PKD1: variants seen among roughly 807,000 people sequenced by gnomAD.
PKD1 encodes the protein polycystin-1.
In PKD1, 81 loss-of-function variants were observed where a neutral mutation model predicts 361.7. The ratio of observed to expected loss-of-function variants is 0.22; its 90% CI spans 0.19 to 0.27. The LOEUF (loss-of-function observed/expected upper bound fraction) is 0.27. PKD1 is among the 10% of genes least tolerant of loss of function. The pLI is 1.00. For missense variants in PKD1, 6,399 were observed against 6,118.3 expected (o/e 1.05, Z -1.53); for synonymous variants, 3,615 against 2,818.3 (o/e 1.28, Z -8.95).
Position 2,129,144 on chromosome 16 carries a change from A to G in PKD1, c.215+6331T>C, listed in dbSNP as rs2092835755. On this transcript the variant is annotated intron_variant, in intron 1 of 45. Transcript: ENST00000262304. ...CCAAAGTGCTGAGATTACAGGCGTG[A>G]ACCACCGCGCCCACCCTGTTTTTTT... Among the ~76,000 whole-genome samples the G allele has an allele frequency of 2.0e-5, 3 of 150,276 alleles. No individual in the cohort carries two copies. In the South Asian group the frequency reaches 6.3e-4, roughly 32 times the overall value.
rs1329035165 is a variant in PKD1 at position 2,114,664 on chromosome 16, T to G, written c.2359A>C (p.Asn787His). Residue 787 changes from asparagine to histidine, a missense_variant, in exon 11 of 46, where the codon AAC becomes CAC. Physicochemically the swap from Asn to His is moderately conservative, Grantham distance 68 (BLOSUM62 1). Coordinates refer to ENST00000262304, the MANE Select transcript of PKD1 (RefSeq NM_001009944.3). ...CGCCCAGGCAGCCGCAGTCCAGGGTTGGGCCTCAAGCCCAGCAGCACGGTG... is the reference window on the plus strand; with the variant it reads ...CGCCCAGGCAGCCGCAGTCCAGGGTGGGGCCTCAAGCCCAGCAGCACGGTG... Reference protein sequence around the residue: ...QLTVLLGLRPNPGLRLPGRYE... With the variant: ...QLTVLLGLRPHPGLRLPGRYE... The G allele has an allele frequency of 1.3e-6, 2 of 1,549,940 alleles. No homozygotes were observed. Among genetic ancestry groups the G allele is most frequent in the Non-Finnish European group, 1.7e-6 (2 of 1,156,444 alleles).
rs373222937 is a variant in PKD1 at position 2,097,917 on chromosome 16, G to A, written c.10118C>T (p.Ser3373Leu). ...GAGGAAGGAGCTGTCCAGCACGGAC[G>A]AGTCCAGGCAGCTGTCGATGTCCAG... Reference protein sequence around the residue: ...QVLDIDSCLDSSVLDSSFLTF... With the variant: ...QVLDIDSCLDLSVLDSSFLTF... Residue 3373 changes from serine (S) to leucine (L), a missense_variant, in exon 31 of 46, where the codon TCG becomes TTG. By Grantham distance (145) the Ser-to-Leu change is moderately radical. Coordinates refer to ENST00000262304, the MANE Select transcript of PKD1 (RefSeq NM_001009944.3). 1.6e-5 allele frequency: 26 copies of A among 1,603,254 alleles called. No individual in the cohort carries two copies. Among genetic ancestry groups the A allele is most frequent in the South Asian group, 4.4e-5 (4 of 90,802 alleles).
chr16:2,092,264 C>A (rs1159741204), intron 39 of PKD1, 76 bp from the exon 40 acceptor site: 91 of 1,483,988 alleles, frequency 6.1e-5, no homozygotes, highest in Non-Finnish European at 7.7e-5. Flanking sequence ...CTGGCCAGCT[C>A]GCCTGAGCTC....
At position 2,110,245 on chromosome 16, in the gene PKD1, C is replaced by A. The variant is rs1162137756; in HGVS notation, c.4922G>T (p.Gly1641Val). 1 of 1,611,882 alleles carries A rather than the reference C, an allele frequency of 6.2e-7. No homozygotes were observed. Among genetic ancestry groups the A allele is most frequent in the African/African-American group, 1.3e-5 (1 of 74,930 alleles). ...LIEGLQVVGG[G>V]RYFPTNHTVQ... is the part of the protein sequence containing the mutation. ...CGTGTGGTTGGTGGGGAAGTAGCGG[C>A]CACCGCCCACCACCTGCAGCCCCTC... The change falls in exon 15 of 46, where the codon GGC becomes GTC. Residue 1641 changes from glycine (G) to valine (V), a missense_variant. By Grantham distance (109) the Gly-to-Val change is moderately radical (BLOSUM62 -3). Coordinates refer to ENST00000262304, the MANE Select transcript of PKD1 (RefSeq NM_001009944.3).
chr16:2,092,956 C>T lies in PKD1; in HGVS notation c.11154G>A (p.Thr3718=), dbSNP rs745776470. 1.2e-5 allele frequency: 19 copies of T among 1,612,892 alleles called. No homozygotes were observed. The highest frequency in any genetic ancestry group is 8.9e-5 in the East Asian group (4 of 44,894). ...ACCAGTGCACCGGATGCCCGTACCG[C>T]GTGATGGCCAGGAAGGCCCGGCTGT... is the stretch of plus-strand genomic sequence containing the variant. ...ELHSRAFLAI[T]RSEELWPWMA... The change falls in exon 38 of 46, where the codon ACG becomes ACA. Residue 3718 remains threonine (T), a splice_region_variant and synonymous_variant. Transcript: ENST00000262304.
Position 2,114,215 on chromosome 16 carries a change from G to A in PKD1, c.2808C>T (p.Arg936=), listed in dbSNP as rs376075101. ...CACGGGCCTCGGGGCTGGGCGTGGCGCGGAGGCCACAGATGGGCTCCTCCG... is the reference window on the plus strand; with the variant it reads ...CACGGGCCTCGGGGCTGGGCGTGGCACGGAGGCCACAGATGGGCTCCTCCG... The part of the protein sequence containing the change: ...VTAEEPICGL[R]ATPSPEARVL... Residue 936 remains arginine (R), a synonymous_variant, in exon 11 of 46, where the codon CGC becomes CGT. Transcript: ENST00000262304. The A allele has an allele frequency of 3.7e-4, 588 of 1,609,682 alleles. No individual in the cohort carries two copies. Among genetic ancestry groups the A allele is most frequent in the South Asian group, 1.0e-3 (92 of 90,970 alleles).
chr16:2,099,023 G>C (rs1158511641), intron 30 of PKD1: 4 of 175,772 alleles, frequency 2.3e-5, no homozygotes, highest in Non-Finnish European at 1.2e-5. Context: ...GTAGAGTCGG[G>C]GTTTCATTGT....
chr16:2,099,385 T>A (rs1314291407), intron 30 of PKD1: 1 of 531,080 alleles, frequency 1.9e-6, no homozygotes, highest in African/African-American at 1.9e-5. Flanking sequence ...TTCTGAGTTA[T>A]CTGGCGTGCT....
rs1423771331 is a variant in PKD1 at position 2,112,364 on chromosome 16, C to T, written c.3271G>A (p.Val1091Ile). The change falls in exon 14 of 46, where the codon GTC becomes ATC. Residue 1091 changes from valine to isoleucine, a missense_variant. Val to Ile is a conservative substitution (Grantham distance 29). Coordinates refer to ENST00000262304, the MANE Select transcript of PKD1 (RefSeq NM_001009944.3). ...SVAQVLVEHN[V>I]MHTYAAPGEY... is the part of the protein sequence containing the mutation. ...CCTGGGGCAGCGTAGGTGTGCATGA[C>T]ATTGTGCTCCACCAGCACCTGGGCC... 2.5e-6 allele frequency: 4 copies of T among 1,586,894 alleles called. No homozygotes were observed. Among genetic ancestry groups the T allele is most frequent in the Admixed American group, 1.7e-5 (1 of 59,606 alleles).
In PKD1 at chr16:2,110,555, C is replaced by A; in HGVS notation, c.4612G>T (p.Ala1538Ser). Residue 1538 changes from alanine to serine, a missense_variant, in exon 15 of 46, where the codon GCC (alanine) becomes TCC (serine). By Grantham distance (99) the Ala-to-Ser change is moderately conservative (BLOSUM62 1). Transcript: ENST00000262304. ...AGWNEVSRSE[A>S]WLNVTVKRRV... ...CGCTTCACCGTCACATTGAGCCAGG[C>A]CTCGCTGCGGCTCACCTCATTCCAG... 6.2e-7 allele frequency: 1 copy of A among 1,611,418 alleles called. No homozygotes were observed. The highest frequency in any genetic ancestry group is 8.5e-7 in the Non-Finnish European group (1 of 1,179,810).
At chr16:2,113,107 C>T (rs1054378697) in intron 12 of PKD1, 54 bp downstream of exon 12, 23 of 760,972 alleles carry the variant, frequency 3.0e-5, no homozygotes, top group Admixed American at 6.1e-5. Context: ...AGGTGGAGCC[C>T]GCCCCCGCCC....
chr16:2,108,988 G>C lies in PKD1; in HGVS notation c.6179C>G (p.Ala2060Gly), dbSNP rs753999046. Residue 2060 changes from alanine (A) to glycine (G), a missense_variant, in exon 15 of 46, where the codon GCC becomes GGC. Physicochemically the swap from Ala to Gly is moderately conservative, Grantham distance 60. Transcript: ENST00000262304. ...GCTCTGCAGGGCCACATACTGGACG[G>C]CGTCCTGAACCTCCAGCACCAGCGT... ...NRTLVLEVQD[A>G]VQYVALQSGP... The C allele has an allele frequency of 3.5e-5, 56 of 1,610,208 alleles. No homozygotes were observed. The Middle Eastern group carries it at 1.2e-3, about 35-fold the overall frequency.
In PKD1 at chr16:2,114,257, G is replaced by T; in HGVS notation, c.2766C>A (p.Leu922=). The change falls in exon 11 of 46, where the codon CTC becomes CTA. Residue 922 remains leucine, a synonymous_variant. Transcript: ENST00000262304. ...GCTCCTCCGCCGTCACCCGCAGGCTGAGGTTGGCCCGGCTGGCGCTGTTTT... is the reference window on the plus strand; with the variant it reads ...GCTCCTCCGCCGTCACCCGCAGGCTTAGGTTGGCCCGGCTGGCGCTGTTTT... ...VVENSASRAN[L]SLRVTAEEPI... 1 of 1,610,366 alleles carries T rather than the reference G, an allele frequency of 6.2e-7. No individual in the cohort carries two copies. The highest frequency in any genetic ancestry group is 1.1e-5 in the South Asian group (1 of 90,988).
intron 22 of PKD1, among the ~76,000 whole-genome samples, chr16:2,104,201 AAGGGAGGGGAAGGGGGATGAGGGGGATG>A (rs1251091221): frequency 6.8e-5 from 1 of 14,616 alleles, no homozygotes; most frequent in Non-Finnish European, 1.2e-4. Flanking sequence ...GAAGGGGGAT[AAGGGAGGGGAAGGGGGATGAGGGGGATG>A]AGGAAGATGA....
chr16:2,114,462 T>A lies in PKD1; in HGVS notation c.2561A>T (p.Asn854Ile). 6.3e-7 allele frequency: 1 copy of A among 1,597,620 alleles called. No individual in the cohort carries two copies. Among genetic ancestry groups the A allele is most frequent in the Non-Finnish European group, 8.5e-7 (1 of 1,179,462 alleles). Residue 854 changes from asparagine (N) to isoleucine (I), a missense_variant, in exon 11 of 46, where the codon AAC becomes ATC. Physicochemically the swap from Asn to Ile is moderately radical, Grantham distance 149 (BLOSUM62 -3). Transcript: ENST00000262304. ...ALVLQVDSGANATATARWPGG... is the reference protein window; with the variant it reads ...ALVLQVDSGAIATATARWPGG... ...AGGCCAGCGAGCCGTGGCCGTGGCG[T>A]TGGCACCAGAGTCCACCTGGAGCAC... is the stretch of plus-strand genomic sequence containing the variant.
intron 34 of PKD1, among the ~76,000 whole-genome samples, chr16:2,095,642 C>T (rs1477444979): frequency 3.3e-5 from 5 of 152,196 alleles, no homozygotes; most frequent in Non-Finnish European, 5.9e-5. Flanking sequence ...CCACGGGACG[C>T]GCTGGAGGCT....
chr16:2,124,766 C>T (rs545256261), intron 1 of PKD1, among the ~76,000 whole-genome samples: 65 of 152,348 alleles, frequency 4.3e-4, no homozygotes, highest in Non-Finnish European at 5.4e-4. Context: ...CACCCCCGCC[C>T]GCGCTGGCCG....
At chr16:2,124,741 G>A (rs1251442397) in intron 1 of PKD1, among the ~76,000 whole-genome samples, 1 of 152,230 alleles carries the variant, frequency 6.6e-6, no homozygotes, top group East Asian at 1.9e-4. Flanking sequence ...AGCAGCGGGT[G>A]TGCGCCAGGC....
intron 34 of PKD1, 110 bp from the exon 35 acceptor site, chr16:2,094,320 C>A: frequency 4.1e-6 from 3 of 738,562 alleles, no homozygotes; most frequent in South Asian, 1.5e-5. Context: ...GTCACAGGGT[C>A]CCCCCGACAA....
Sources: allele counts gnomAD v4.1 joint callset (sites outside exome capture counted in the v4.1 genomes callset), GRCh38; gene constraint gnomAD v4.1.1; transcripts MANE v1.5; gene names NCBI Gene and HGNC (gene_info 2026-07-23, HGNC 2026-07-21).